The following LOXL2 variants were observed in gnomAD, a reference collection of about 807,000 sequenced individuals.
LOXL2 encodes lysyl oxidase like 2.
Under a neutral mutation model 93.0 loss-of-function variants are expected in LOXL2, and 70 were observed. The observed-to-expected ratio is 0.75, with a 90% CI of 0.62 to 0.92. The LOEUF (loss-of-function observed/expected upper bound fraction) is 0.92. Among genes scored for constraint, LOXL2 ranks in the 40% least tolerant of loss-of-function variants. The pLI is 0.00. For missense variants in LOXL2, 973 were observed against 1,054.9 expected, an observed-to-expected ratio of 0.92 and a Z score of 1.08; for synonymous variants, 438 against 413.2, an observed-to-expected ratio of 1.06 and a Z score of -0.73.
At chr8:23,366,545 A>G (rs1563203343) in intron 2 of LOXL2, among the ~76,000 whole-genome samples, 1 of 152,254 alleles carries the variant, frequency 6.6e-6, no homozygotes, top group Admixed American at 6.5e-5. Flanking sequence ...AAAGAGACAG[A>G]GTCCTGGGCT....
At chr8:23,344,297 G>T (rs1294019723) in intron 3 of LOXL2, among the ~76,000 whole-genome samples, 1 of 152,200 alleles carries the variant, frequency 6.6e-6, no homozygotes, top group Non-Finnish European at 1.5e-5. Flanking sequence ...AGCACCGGGG[G>T]TCATTATCCT....
chr8:23,385,380 G>A (rs1804744059), intron 1 of LOXL2, among the ~76,000 whole-genome samples: 1 of 150,472 alleles, frequency 6.6e-6, no homozygotes, highest in Non-Finnish European at 1.5e-5. Flanking sequence ...CCAAGTAGCT[G>A]GGATTACAGG....
intron 1 of LOXL2, among the ~76,000 whole-genome samples, chr8:23,370,426 GA>G (rs1200179562): frequency 1.1e-4 from 17 of 152,314 alleles, no homozygotes; most frequent in African/African-American, 3.8e-4. Context: ...CCAAGGGACA[GA>G]AACCACCTCT....
chr8:23,308,541 G>T (rs1029376517), intron 10 of LOXL2, among the ~76,000 whole-genome samples: 1 of 152,184 alleles, frequency 6.6e-6, no homozygotes, highest in Admixed American at 6.5e-5. Context: ...CTTTCCAAGG[G>T]TGTGCCTGCT....
chr8:23,403,829 T>C (rs1585388797), intron 1 of LOXL2, 125 bp downstream of exon 1: 1 of 152,426 alleles, frequency 6.6e-6, no homozygotes, highest in African/African-American at 2.4e-5. Flanking sequence ...CAAGAAGTCT[T>C]TGGGAACCCC....
intron 6 of LOXL2, among the ~76,000 whole-genome samples, chr8:23,322,823 C>T (rs1262330068): frequency 1.3e-5 from 2 of 152,220 alleles, no homozygotes; most frequent in Non-Finnish European, 2.9e-5. Flanking sequence ...ATACCACGCC[C>T]GTTACCCTCT....
At chr8:23,328,709 A>ATGTG (rs60768341) in intron 5 of LOXL2, 144 bp from the exon 6 acceptor site, 115,762 of 454,764 alleles carry the variant, frequency 0.25, 6,837 homozygotes, top group Non-Finnish European at 0.27. Flanking sequence ...TGATGTATGG[A>ATGTG]TGTGTGTGTG....
chr8:23,311,707 C>T (rs922092209), intron 9 of LOXL2, among the ~76,000 whole-genome samples: 7 of 152,176 alleles, frequency 4.6e-5, no homozygotes, highest in African/African-American at 1.4e-4. Flanking sequence ...TCGAGTATTA[C>T]GATGCTCTGT....
chr8:23,346,205 T>TAAAATAAAATAAAATA (rs139242619), intron 3 of LOXL2, among the ~76,000 whole-genome samples: 67 of 80,956 alleles, frequency 8.3e-4, no homozygotes, highest in African/African-American at 3.8e-3. Context: ...TAAAATAAAA[T>TAAAATAAAATAAAATA]AAATAAAATA....
intron 8 of LOXL2, among the ~76,000 whole-genome samples, chr8:23,319,118 A>C (rs1394447621): frequency 6.6e-6 from 1 of 152,250 alleles, no homozygotes; most frequent in African/African-American, 2.4e-5. Context: ...AGTGTTTACA[A>C]CCAGGATACT....
At chr8:23,324,057 T>C (rs930332448) in intron 6 of LOXL2, among the ~76,000 whole-genome samples, 1 of 152,162 alleles carries the variant, frequency 6.6e-6, no homozygotes, top group Non-Finnish European at 1.5e-5. Flanking sequence ...GAGCGGAGCA[T>C]TTGTGGAATA....
chr8:23,366,717 T>A (rs1804407260), intron 2 of LOXL2, among the ~76,000 whole-genome samples: 1 of 152,226 alleles, frequency 6.6e-6, no homozygotes, highest in Non-Finnish European at 1.5e-5. Flanking sequence ...GCCAGACTTG[T>A]GCTGAGGTCT....
intron 4 of LOXL2, chr8:23,337,486 C>T (rs1193305474): frequency 6.6e-6 from 1 of 152,154 alleles, no homozygotes; most frequent in Non-Finnish European, 1.5e-5. Context: ...TCCAACCTCC[C>T]TAAGCTTTTG....
At chr8:23,348,707 C>T (rs966199051) in intron 3 of LOXL2, among the ~76,000 whole-genome samples, 1 of 152,070 alleles carries the variant, frequency 6.6e-6, no homozygotes, top group Non-Finnish European at 1.5e-5. Context: ...GAAACCCCGT[C>T]TCTACTAAAA....
intron 8 of LOXL2, among the ~76,000 whole-genome samples, chr8:23,319,072 C>T (rs560517387): frequency 1.3e-5 from 2 of 152,364 alleles, no homozygotes; most frequent in Non-Finnish European, 1.5e-5. Context: ...AGCAGGGTCT[C>T]CAAGCATCTT....
Position 23,297,858 on chromosome 8 carries a change from A to T in LOXL2, c.*185T>A. The stretch of plus-strand genomic sequence containing the variant: ...TCTCAGGCCCCAAGGGTCAGGTAGC[A>T]GCCCCCCATGAATGATGGGAGGGTC... On this transcript the variant is annotated 3_prime_UTR_variant, in exon 14 of 14. Coordinates refer to ENST00000389131, the MANE Select transcript of LOXL2 (RefSeq NM_002318.3). 1 of 566,268 alleles carries T rather than the reference A, an allele frequency of 1.8e-6. No individual in the cohort carries two copies. Among genetic ancestry groups the T allele is most frequent in the Non-Finnish European group, 3.1e-6 (1 of 318,210 alleles). 35.1% of individuals were successfully genotyped at this position (566,268 alleles called of 1,614,324 possible).
At chr8:23,304,112 C>T (rs531169854) in intron 10 of LOXL2, among the ~76,000 whole-genome samples, 55 of 152,296 alleles carry the variant, frequency 3.6e-4, no homozygotes, top group African/African-American at 1.1e-3. Flanking sequence ...GACACTGACT[C>T]ATCCTCAGGG....
At chr8:23,318,272 C>CA (rs899697878) in intron 8 of LOXL2, among the ~76,000 whole-genome samples, 1 of 152,096 alleles carries the variant, frequency 6.6e-6, no homozygotes, top group African/African-American at 2.4e-5. Flanking sequence ...TCAATGCTTC[C>CA]AGCCGGCTGG....
chr8:23,341,284 G>T, intron 3 of LOXL2, 81 bp from the exon 4 acceptor site: 5 of 1,164,274 alleles, frequency 4.3e-6, no homozygotes, highest in Non-Finnish European at 6.4e-6. Context: ...TACTTCTTTA[G>T]CGACTATGGG....
Sources: gnomAD v4.1 joint callset for allele counts (sites outside exome capture counted in the v4.1 genomes callset) on GRCh38, gnomAD v4.1.1 for gene constraint, MANE v1.5 for transcripts, NCBI Gene and HGNC (gene_info 2026-07-23, HGNC 2026-07-21) for gene names.